Variants in CCDC192 observed in about 807,000 individuals in gnomAD.
CCDC192 encodes the protein coiled-coil domain containing 192.
At chr5:127,793,332 AT>A (rs1165802548) in intron 3 of CCDC192, among the ~76,000 whole-genome samples, 1 of 152,218 alleles carries the variant, frequency 6.6e-6, no homozygotes, top group African/African-American at 2.4e-5. Flanking sequence ...AGGAGAGGAA[AT>A]AAGGGGTTAG....
At chr5:127,795,934 G>T (rs1279886319) in intron 3 of CCDC192, among the ~76,000 whole-genome samples, 1 of 152,122 alleles carries the variant, frequency 6.6e-6, no homozygotes, top group Non-Finnish European at 1.5e-5. Context: ...GAGCACCGCA[G>T]GTCTCCAAGG....
At chr5:127,914,238 C>T (rs946422679) in intron 6 of CCDC192, among the ~76,000 whole-genome samples, 2 of 152,156 alleles carry the variant, frequency 1.3e-5, no homozygotes, top group African/African-American at 4.8e-5. Flanking sequence ...CTTAATAAAT[C>T]TTGCCTTGCA....
At chr5:127,865,994 A>G (rs946013614) in intron 5 of CCDC192, among the ~76,000 whole-genome samples, 1 of 152,112 alleles carries the variant, frequency 6.6e-6, no homozygotes, top group African/African-American at 2.4e-5. Flanking sequence ...CTGTGTTACA[A>G]CAGATAACTG....
chr5:127,719,053 C>A (rs1401688019), intron 2 of CCDC192, among the ~76,000 whole-genome samples: 2 of 152,220 alleles, frequency 1.3e-5, no homozygotes, highest in Non-Finnish European at 2.9e-5. Context: ...CCCACACAGA[C>A]CCCTTCCAGC....
intron 2 of CCDC192, among the ~76,000 whole-genome samples, chr5:127,725,530 A>ATAAGATATC (rs1191286802): frequency 1.3e-5 from 2 of 152,228 alleles, no homozygotes; most frequent in Non-Finnish European, 2.9e-5. Context: ...TAAAATATTA[A>ATAAGATATC]TAAGATATCT....
chr5:127,719,506 C>CATATAT (rs71575704), intron 2 of CCDC192, among the ~76,000 whole-genome samples: 6 of 124,444 alleles, frequency 4.8e-5, no homozygotes, highest in African/African-American at 2.2e-4. Context: ...CACACACATA[C>CATATAT]ATATATATAT....
At chr5:127,745,026 C>G (rs1477226126) in intron 2 of CCDC192, among the ~76,000 whole-genome samples, 2 of 152,156 alleles carry the variant, frequency 1.3e-5, no homozygotes, top group African/African-American at 2.4e-5. Context: ...ACTGTTATAG[C>G]CTCTCAGCAT....
chr5:127,844,751 C>T (rs1487343593), intron 5 of CCDC192, among the ~76,000 whole-genome samples: 1 of 152,180 alleles, frequency 6.6e-6, no homozygotes, highest in African/African-American at 2.4e-5. Context: ...GCCCAGCCAA[C>T]AGTGCCCTGT....
intron 6 of CCDC192, among the ~76,000 whole-genome samples, chr5:127,910,633 G>T (rs534404545): frequency 1.3e-5 from 2 of 152,282 alleles, no homozygotes; most frequent in Admixed American, 6.5e-5. Flanking sequence ...TCCCCAAAAA[G>T]TCCCATTGTT....
chr5:127,778,766 C>CT (rs1184640862), intron 3 of CCDC192, among the ~76,000 whole-genome samples: 10 of 151,380 alleles, frequency 6.6e-5, no homozygotes, highest in South Asian at 2.1e-4. Context: ...CTTTTCTTTT[C>CT]TTTTTTTTAA....
intron 5 of CCDC192, among the ~76,000 whole-genome samples, chr5:127,818,623 C>A (rs552542040): frequency 2.0e-4 from 30 of 152,284 alleles, no homozygotes; most frequent in Non-Finnish European, 3.4e-4. Context: ...GAGGAACCAT[C>A]CCTAACCCAG....
intron 6 of CCDC192, among the ~76,000 whole-genome samples, chr5:127,908,105 A>G (rs956247014): frequency 9.9e-5 from 15 of 152,188 alleles, no homozygotes; most frequent in Admixed American, 2.0e-4. Flanking sequence ...CCTGTAGAGG[A>G]CCCATCTCAT....
chr5:127,904,382 A>G (rs373516595), intron 6 of CCDC192, among the ~76,000 whole-genome samples: 4 of 152,314 alleles, frequency 2.6e-5, no homozygotes, highest in African/African-American at 9.6e-5. Context: ...ATAATAAAGT[A>G]ATACACCAGC....
chr5:127,910,092 G>C (rs913980268), intron 6 of CCDC192, among the ~76,000 whole-genome samples: 3 of 152,214 alleles, frequency 2.0e-5, no homozygotes, highest in African/African-American at 7.2e-5. Flanking sequence ...ATCAGAATGT[G>C]TTGCAAAGAA....
intron 2 of CCDC192, among the ~76,000 whole-genome samples, chr5:127,734,930 A>G (rs1460326887): frequency 6.7e-6 from 1 of 149,890 alleles, no homozygotes; most frequent in Non-Finnish European, 1.5e-5. Context: ...TCTTTAGTTT[A>G]ATTAGATCCC....
chr5:127,862,978 G>A (rs1751435635), intron 5 of CCDC192, among the ~76,000 whole-genome samples: 1 of 147,246 alleles, frequency 6.8e-6, no homozygotes, highest in African/African-American at 2.5e-5. Context: ...GACACAAAAG[G>A]AAAGCTTAAC....
intron 2 of CCDC192, among the ~76,000 whole-genome samples, chr5:127,722,127 T>C (rs1264250936): frequency 6.6e-6 from 1 of 152,228 alleles, no homozygotes; most frequent in African/African-American, 2.4e-5. Flanking sequence ...CCAGCATTTG[T>C]CATTGCCTGT....
chr5:127,728,883 C>A (rs1349699425), intron 2 of CCDC192, among the ~76,000 whole-genome samples: 3 of 151,908 alleles, frequency 2.0e-5, no homozygotes, highest in Non-Finnish European at 4.4e-5. Context: ...TAGAAAAAAA[C>A]ACAAATTGCA....
intron 2 of CCDC192, among the ~76,000 whole-genome samples, chr5:127,736,954 T>C (rs1753046369): frequency 6.6e-6 from 1 of 151,380 alleles, no homozygotes; most frequent in Admixed American, 6.6e-5. Context: ...ATTTTAGTTA[T>C]TTCTTGCCTT....
Sources: gnomAD v4.1 joint callset for allele counts (sites outside exome capture counted in the v4.1 genomes callset) on GRCh38, gnomAD v4.1.1 for gene constraint, MANE v1.5 for transcripts, NCBI Gene and HGNC (gene_info 2026-07-23, HGNC 2026-07-21) for gene names.